CPEB3: variants seen among roughly 807,000 people sequenced by gnomAD.
CPEB3 encodes the protein cytoplasmic polyadenylation element binding protein 3, also known as cytoplasmic polyadenylation element-binding protein 3.
In CPEB3, 20 loss-of-function variants were observed where a neutral mutation model predicts 67.2. The observed-to-expected ratio is 0.30, with a 90% CI of 0.21 to 0.43. The LOEUF (loss-of-function observed/expected upper bound fraction) is 0.43. CPEB3 is among the 20% of genes least tolerant of loss of function. CPEB3 has a pLI of 1.00. For missense variants in CPEB3, 746 were observed against 968.6 expected (o/e 0.77, Z 3.05); for synonymous variants, 376 against 393.1 (o/e 0.96, Z 0.51).
chr10:92,118,722 G>A (rs1845167660), intron 6 of CPEB3: 1 of 739,754 alleles, frequency 1.4e-6, no homozygotes, highest in African/African-American at 1.7e-5. Flanking sequence ...CCTCAGCTCT[G>A]TATCAGAAAT....
Position 92,052,457 on chromosome 10 carries a change from A to T in CPEB3, c.1870-18T>A. 6.3e-7 allele frequency: 1 copy of T among 1,593,892 alleles called. No individual in the cohort carries two copies. The highest frequency in any genetic ancestry group is 8.6e-7 in the Non-Finnish European group (1 of 1,163,584). On this transcript the variant is annotated intron_variant, in intron 9 of 9. Coordinates refer to ENST00000265997, the MANE Select transcript of CPEB3 (RefSeq NM_014912.5). The stretch of plus-strand genomic sequence containing the variant: ...ACTTCAACCTGGACCCAAAGAGGAA[A>T]GACAGAGAAAAATGATTTAGCAAAG...
chr10:92,264,912 T>A (rs1444216740), intron 1 of CPEB3, among the ~76,000 whole-genome samples: 3 of 152,060 alleles, frequency 2.0e-5, no homozygotes, highest in African/African-American at 7.2e-5. Flanking sequence ...AATCCTGTAA[T>A]CCTAGCACTT....
intron 4 of CPEB3, among the ~76,000 whole-genome samples, chr10:92,173,619 A>G (rs914077159): frequency 2.0e-5 from 3 of 152,168 alleles, no homozygotes; most frequent in Non-Finnish European, 4.4e-5. Flanking sequence ...TCTAAAGCAA[A>G]AGGTACCACC....
chr10:92,074,107 T>TA (rs992467867), intron 9 of CPEB3, among the ~76,000 whole-genome samples: 4 of 150,574 alleles, frequency 2.7e-5, no homozygotes, highest in African/African-American at 7.3e-5. Flanking sequence ...TTTTTTTAAT[T>TA]AAAAAAATGG....
chr10:92,225,864 CG>C (rs1564884943), intron 2 of CPEB3, among the ~76,000 whole-genome samples: 1 of 152,056 alleles, frequency 6.6e-6, no homozygotes, highest in Admixed American at 6.6e-5. Context: ...TTTGGGAGGC[CG>C]AGGCAGGCAG....
At chr10:92,202,016 T>C (rs1340646770) in intron 2 of CPEB3, among the ~76,000 whole-genome samples, 1 of 152,184 alleles carries the variant, frequency 6.6e-6, no homozygotes, top group Non-Finnish European at 1.5e-5. Context: ...AATTGTTCTT[T>C]TGATGAATTC....
chr10:92,093,359 G>A (rs966357330), intron 7 of CPEB3, among the ~76,000 whole-genome samples: 11 of 152,278 alleles, frequency 7.2e-5, no homozygotes, highest in African/African-American at 2.2e-4. Context: ...TACTTAATGC[G>A]AAGAAACATA....
chr10:92,130,943 T>C (rs964842588), intron 6 of CPEB3, among the ~76,000 whole-genome samples: 2 of 152,196 alleles, frequency 1.3e-5, no homozygotes, highest in African/African-American at 2.4e-5. Flanking sequence ...GAAAAATTAT[T>C]ATCAGCAAGA....
At chr10:92,073,667 T>G (rs1022704619) in intron 9 of CPEB3, among the ~76,000 whole-genome samples, 1 of 151,678 alleles carries the variant, frequency 6.6e-6, no homozygotes. Flanking sequence ...AGGCTGGTCT[T>G]GAACACCTGG....
At chr10:92,224,004 A>T (rs1399851748) in intron 2 of CPEB3, among the ~76,000 whole-genome samples, 1 of 151,968 alleles carries the variant, frequency 6.6e-6, no homozygotes, top group African/African-American at 2.4e-5. Context: ...TGACCTTGTG[A>T]TCCATCCACC....
chr10:92,144,868 T>C (rs1238207380), intron 5 of CPEB3, 77 bp downstream of exon 5: 8 of 1,346,632 alleles, frequency 5.9e-6, no homozygotes, highest in African/African-American at 1.4e-5. Flanking sequence ...TAAAGTTGAC[T>C]TGGAGAGGAG....
chr10:92,162,812 C>T (rs1847553615), intron 4 of CPEB3, among the ~76,000 whole-genome samples: 1 of 152,118 alleles, frequency 6.6e-6, no homozygotes, highest in African/African-American at 2.4e-5. Context: ...ATGTGACTCC[C>T]CAAGGGAAGG....
intron 9 of CPEB3, among the ~76,000 whole-genome samples, chr10:92,057,880 ATTACTGGGCAT>A (rs1285317325): frequency 1.3e-5 from 2 of 152,220 alleles, no homozygotes; most frequent in Admixed American, 6.5e-5. Flanking sequence ...GAACCACAGC[ATTACTGGGCAT>A]GGGTGACCCC....
intron 2 of CPEB3, among the ~76,000 whole-genome samples, chr10:92,197,249 G>A (rs1849285806): frequency 6.6e-6 from 1 of 152,078 alleles, no homozygotes; most frequent in Non-Finnish European, 1.5e-5. Context: ...TTCCATCCAT[G>A]CCTCATCAAC....
chr10:92,229,091 A>G (rs1851135962), intron 2 of CPEB3, among the ~76,000 whole-genome samples: 1 of 148,232 alleles, frequency 6.7e-6, no homozygotes, highest in Admixed American at 6.7e-5. Context: ...TGGCACAATC[A>G]TGGCTCACTA....
chr10:92,207,345 G>T (rs916262028), intron 2 of CPEB3, among the ~76,000 whole-genome samples: 1 of 152,120 alleles, frequency 6.6e-6, no homozygotes, highest in African/African-American at 2.4e-5. Flanking sequence ...TAAGATAATG[G>T]TAAGACAATA....
intron 6 of CPEB3, among the ~76,000 whole-genome samples, chr10:92,135,050 C>T (rs556268515): frequency 1.3e-5 from 2 of 152,212 alleles, no homozygotes; most frequent in South Asian, 4.1e-4. Flanking sequence ...AGACCTAAAA[C>T]CATAAAAACC....
chr10:92,135,311 T>A (rs1330598847), intron 6 of CPEB3, among the ~76,000 whole-genome samples: 1 of 152,072 alleles, frequency 6.6e-6, no homozygotes, highest in African/African-American at 2.4e-5. Context: ...CTTAAACAAA[T>A]TTACAAGAGA....
intron 7 of CPEB3, among the ~76,000 whole-genome samples, chr10:92,097,442 C>G (rs1590128832): frequency 6.6e-6 from 1 of 152,144 alleles, no homozygotes; most frequent in East Asian, 1.9e-4. Context: ...TAGTTTCTCT[C>G]TAAAGCACGT....
Sources: gnomAD v4.1 joint callset for allele counts (sites outside exome capture counted in the v4.1 genomes callset) on GRCh38, gnomAD v4.1.1 for gene constraint, MANE v1.5 for transcripts, NCBI Gene and HGNC (gene_info 2026-07-23, HGNC 2026-07-21) for gene names.